Variants in MRM3 observed in about 807,000 individuals in gnomAD.
MRM3 encodes the protein mitochondrial rRNA methyltransferase 3, also known as rRNA methyltransferase 3, mitochondrial.
MRM3 carries 26 observed loss-of-function variants against 29.4 expected under a neutral mutation model. The ratio of observed to expected loss-of-function variants is 0.89; its 90% CI spans 0.65 to 1.23. The LOEUF is 1.23. Ranked by LOEUF, MRM3 falls within the 50% of genes most tolerant of loss-of-function variation. MRM3 has a pLI of 0.00. For synonymous variants in MRM3, 225 were observed against 219.0 expected, an observed-to-expected ratio of 1.03 and a Z score of -0.24; for missense variants, 578 against 540.2, an observed-to-expected ratio of 1.07 and a Z score of -0.69.
At chr17:785,164 A>C (rs1291163870) in intron 2 of MRM3, among the ~76,000 whole-genome samples, 1 of 143,556 alleles carries the variant, frequency 7.0e-6, no homozygotes, top group African/African-American at 2.8e-5. Context: ...TGCTTGGCTT[A>C]AAAAAAAAAG....
In MRM3 at chr17:787,867, T is replaced by C; in HGVS notation, c.560-98T>C. 1 of 1,245,962 alleles carries C rather than the reference T, an allele frequency of 8.0e-7. No homozygotes were observed. Among genetic ancestry groups the C allele is most frequent in the Non-Finnish European group, 1.2e-6 (1 of 860,466 alleles). 77.2% of individuals were successfully genotyped at this position (1,245,962 alleles called of 1,614,324 possible). A position where few individuals can be genotyped will look rare whatever the true frequency, so the allele number is the denominator to read the frequency against. Reference sequence around the variant, plus strand: ...CCTGGCCTGTATTCCTGTATTTTTATGTAACTAAGACCATATCAAGATTGA... The same window carrying C: ...CCTGGCCTGTATTCCTGTATTTTTACGTAACTAAGACCATATCAAGATTGA... On this transcript the variant is annotated intron_variant, in intron 2 of 3. Transcript: ENST00000304478. This position sits in a 1 kb window ranked among gnomAD's most constrained non-coding sequence, Gnocchi z 4.1.
At position 787,610 on chromosome 17, in the gene MRM3, G is replaced by C. The variant is rs1009085929; in HGVS notation, c.560-355G>C. Among the ~76,000 whole-genome samples, 2 of 151,876 alleles carry C rather than the reference G, an allele frequency of 1.3e-5. No homozygotes were observed. The highest frequency in any genetic ancestry group is 4.8e-5 in the African/African-American group (2 of 41,330). On this transcript the variant is annotated intron_variant, in intron 2 of 3. Transcript: ENST00000304478. The surrounding 1 kb of genome is among the most constrained non-coding windows in gnomAD (Gnocchi z 4.1). ...GTCGCCCAGGCTGGAGTGCAGTGGC[G>C]TGATCTTGGCTCACCACAACCTCCA...
chr17:788,164 C>T (rs773819815), intron 3 of MRM3, 32 bp downstream of exon 3: 3 of 1,610,832 alleles, frequency 1.9e-6, no homozygotes, highest in South Asian at 2.2e-5. Flanking sequence ...CATAGTGGCT[C>T]ACACTCGTAA....
rs371945655 is a variant in MRM3, at chr17:783,077, C to G, written c.315-6C>G. ...ACCTGTTTTTTTTTTTTATTTCCAT[C>G]TACAGCAGTGTAATGACAATAGTAA... On this transcript the variant is annotated splice_region_variant and splice_polypyrimidine_tract_variant and intron_variant, in intron 1 of 3. Transcript: ENST00000304478. 9 of 1,597,256 alleles carry G rather than the reference C, an allele frequency of 5.6e-6. No homozygotes were observed. In the African/African-American group the frequency reaches 9.5e-5, roughly 17 times the overall value.
rs146455824 is a variant in MRM3 at position 791,854 on chromosome 17, C to T, written c.1048C>T (p.Pro350Ser). ...QSYDSDWTEA[P>S]AAVVIGGETY... ...TTACGACTCGGACTGGACAGAGGCG[C>T]CGGCAGCTGTGGTGATTGGCGGGGA... Residue 350 changes from proline (P) to serine (S), a missense_variant, in exon 4 of 4, where the codon CCG becomes TCG. Pro to Ser is a moderately conservative substitution (Grantham distance 74). Transcript: ENST00000304478. The T allele has an allele frequency of 3.4e-4, 545 of 1,613,962 alleles. No homozygotes were observed. The highest frequency in any genetic ancestry group is 4.5e-4 in the Non-Finnish European group (528 of 1,180,042).
In MRM3 at chr17:782,365, G is replaced by A. The variant is rs759119521; in HGVS notation, c.-14G>A. ...ACGGCGCGCTTTCGTGACGCAGCCC[G>A]GGTCTCAGGGAACATGGCGGCGCTG... On this transcript the variant is annotated 5_prime_UTR_variant, in exon 1 of 4. Coordinates refer to ENST00000304478, the MANE Select transcript of MRM3 (RefSeq NM_018146.4). 3 of 1,613,348 alleles carry A rather than the reference G, an allele frequency of 1.9e-6. No homozygotes were observed. Among genetic ancestry groups the A allele is most frequent in the African/African-American group, 1.3e-5 (1 of 75,066 alleles).
In MRM3 at chr17:787,419, G is replaced by C. The variant is rs1910584533; in HGVS notation, c.560-546G>C. 6.6e-6 allele frequency among the ~76,000 whole-genome samples: 1 copy of C among 152,180 alleles called. No individual in the cohort carries two copies. Among genetic ancestry groups the C allele is most frequent in the African/African-American group, 2.4e-5 (1 of 41,430 alleles). ...ATATGGACAGGTGTGCATATATATA[G>C]GTAGATGCATAGAACAAGTTCTAAA... On this transcript the variant is annotated intron_variant, in intron 2 of 3. Transcript: ENST00000304478. The surrounding 1 kb of genome is among the most constrained non-coding windows in gnomAD (Gnocchi z 4.1).
At chr17:782,888 A>G (rs1242295298) in intron 1 of MRM3, among the ~76,000 whole-genome samples, 195 bp from the exon 2 acceptor site, 1 of 152,152 alleles carries the variant, frequency 6.6e-6, no homozygotes, top group Non-Finnish European at 1.5e-5. Context: ...TTGTTTCACC[A>G]TGTTAGCCAG....
Position 782,678 on chromosome 17 carries a change from G to A in MRM3, c.300G>A (p.Gly100=), listed in dbSNP as rs1244845816. The A allele has an allele frequency of 5.0e-6, 8 of 1,603,270 alleles. No homozygotes were observed. The highest frequency in any genetic ancestry group is 3.3e-5 in the South Asian group (3 of 90,820). Residue 100 remains glycine, a synonymous_variant, in exon 1 of 4, where the codon GGG becomes GGA. Coordinates refer to ENST00000304478, the MANE Select transcript of MRM3 (RefSeq NM_018146.4). ...TTCGCTACGATAAAGCTTATCCCGG[G>A]GACAGGAGGCTGAGGTGATGTGGTT... The part of the protein sequence containing the change: ...SGLRYDKAYP[G]DRRLSSVMTI...
rs1910605245 is a variant in MRM3, at chr17:787,746, G to A, written c.560-219G>A. Reference sequence around the variant, plus strand: ...GTGTTTTTAGTAGAGACGAGGTTTTGCCACGTTGGCCAGGCTGGTCTCGGA... The same window carrying A: ...GTGTTTTTAGTAGAGACGAGGTTTTACCACGTTGGCCAGGCTGGTCTCGGA... On this transcript the variant is annotated intron_variant, in intron 2 of 3. Coordinates refer to ENST00000304478, the MANE Select transcript of MRM3 (RefSeq NM_018146.4). This position sits in a 1 kb window ranked among gnomAD's most constrained non-coding sequence, Gnocchi z 4.1. Among the ~76,000 whole-genome samples, 1 of 152,168 alleles carries A rather than the reference G, an allele frequency of 6.6e-6. No homozygotes were observed. The highest frequency in any genetic ancestry group is 1.5e-5 in the Non-Finnish European group (1 of 68,022).
At chr17:786,334 C>A (rs1271619936) in intron 2 of MRM3, among the ~76,000 whole-genome samples, 1 of 152,164 alleles carries the variant, frequency 6.6e-6, no homozygotes, top group Non-Finnish European at 1.5e-5. Flanking sequence ...AGTGTAGTGG[C>A]GTGATCTCCG....
Position 791,945 on chromosome 17 carries a change from TC to T in MRM3, c.1143del (p.Val382LeufsTer32). 6.2e-7 allele frequency: 1 copy of T among 1,614,028 alleles called. No individual in the cohort carries two copies. Among genetic ancestry groups the T allele is most frequent in the Non-Finnish European group, 8.5e-7 (1 of 1,180,018 alleles). On this transcript the variant is annotated frameshift_variant, in exon 4 of 4. Transcript: ENST00000304478. LOFTEE classifies it high-confidence loss of function. ...AESTGGKRLL[I>X]PVVPGVDSLN... ...AGCACTGGTGGCAAGAGGCTGCTGATCCCCGTTGTGCCTGGTGTGGACAGCC... is the reference window on the plus strand; with the variant it reads ...AGCACTGGTGGCAAGAGGCTGCTGATCCCGTTGTGCCTGGTGTGGACAGCC...
At chr17:782,723 C>G (rs1018815944) in intron 1 of MRM3, 31 bp downstream of exon 1, 1 of 1,564,634 alleles carries the variant, frequency 6.4e-7, no homozygotes, top group South Asian at 1.2e-5. Context: ...GTCGAATGTT[C>G]TCGTTTCCCT....
At chr17:788,998 T>G (rs573244926) in intron 3 of MRM3, among the ~76,000 whole-genome samples, 2 of 152,348 alleles carry the variant, frequency 1.3e-5, no homozygotes, top group South Asian at 4.1e-4. Context: ...TTAAAAATTA[T>G]GTTTTTTGTA....
intron 3 of MRM3, chr17:789,687 G>C (rs1304379662): frequency 1.3e-5 from 2 of 152,220 alleles, no homozygotes; most frequent in Admixed American, 1.3e-4. Flanking sequence ...AGAGCTACGT[G>C]CTGGGGTTCT....
intron 2 of MRM3, among the ~76,000 whole-genome samples, chr17:785,318 A>G (rs909619116): frequency 1.3e-5 from 2 of 152,160 alleles, no homozygotes; most frequent in Admixed American, 6.5e-5. Context: ...TAATATTGTT[A>G]TTAGCCTTTT....
At position 787,918 on chromosome 17, in the gene MRM3, C is replaced by T. The variant is rs772424212; in HGVS notation, c.560-47C>T. ...TAAGTAAATGAAAAGTCAGACTATT[C>T]CCCGTGCCCACACCAGGCAAGTAAA... On this transcript the variant is annotated intron_variant, in intron 2 of 3. Transcript: ENST00000304478. This position sits in a 1 kb window ranked among gnomAD's most constrained non-coding sequence, Gnocchi z 4.1. 2.6e-6 allele frequency: 4 copies of T among 1,566,208 alleles called. No individual in the cohort carries two copies. The highest frequency in any genetic ancestry group is 3.5e-6 in the Non-Finnish European group (4 of 1,139,012).
chr17:789,354 C>T (rs971716188), intron 3 of MRM3, among the ~76,000 whole-genome samples: 10 of 152,166 alleles, frequency 6.6e-5, no homozygotes, highest in Admixed American at 2.6e-4. Flanking sequence ...CATTGTGATC[C>T]GTTTCCCTTA....
rs1426695831 is a variant in MRM3, at chr17:782,392, T to C, written c.14T>C (p.Val5Ala). Reference sequence around the variant, plus strand: ...GTCTCAGGGAACATGGCGGCGCTGGTGAGACCCGCGAGGTTTGTCGTGCGA... The same window carrying C: ...GTCTCAGGGAACATGGCGGCGCTGGCGAGACCCGCGAGGTTTGTCGTGCGA... MAAL[V>A]RPARFVVRPL... The change falls in exon 1 of 4, where the codon GTG becomes GCG. Residue 5 changes from valine (V) to alanine (A), a missense_variant. By Grantham distance (64) the Val-to-Ala change is moderately conservative. Coordinates refer to ENST00000304478, the MANE Select transcript of MRM3 (RefSeq NM_018146.4). 2.5e-6 allele frequency: 4 copies of C among 1,613,542 alleles called. No individual in the cohort carries two copies. In the African/African-American group the frequency reaches 4.0e-5, roughly 16 times the overall value.
Sources: gnomAD v4.1 joint callset for allele counts (sites outside exome capture counted in the v4.1 genomes callset) on GRCh38, gnomAD v4.1.1 for gene constraint, Gnocchi (gnomAD v3.1) non-coding constraint, MANE v1.5 for transcripts, NCBI Gene and HGNC (gene_info 2026-07-23, HGNC 2026-07-21) for gene names.